COL11A2: variants seen among roughly 807,000 people sequenced by gnomAD.
The protein encoded by COL11A2 is collagen type XI alpha 2 chain.
Under a neutral mutation model 273.4 loss-of-function variants are expected in COL11A2, and 116 were observed. The observed-to-expected ratio is 0.42, with a 90% CI of 0.36 to 0.49. COL11A2 has a LOEUF of 0.49. Among genes scored for constraint, COL11A2 ranks in the 20% least tolerant of loss-of-function variants. COL11A2 has a pLI of 0.00. For synonymous variants in COL11A2, 782 were observed against 864.2 expected (o/e 0.90, Z 1.67); for missense variants, 1,866 against 2,309.0 (o/e 0.81, Z 3.93).
At chr6:33,174,288 G>C in intron 31 of COL11A2, 70 bp from the exon 32 acceptor site, 1 of 1,540,406 alleles carries the variant, frequency 6.5e-7, no homozygotes, top group Non-Finnish European at 8.8e-7. Context: ...GGCAAAGGGG[G>C]TCAGGAGAGG....
At chr6:33,181,204 C>G (rs1185911127) in intron 8 of COL11A2, 34 bp from the exon 9 acceptor site, 15 of 1,611,594 alleles carry the variant, frequency 9.3e-6, no homozygotes, top group Non-Finnish European at 1.2e-5. Context: ...CCCAGTGGGG[C>G]CCGTGAGCAG....
At position 33,189,514 on chromosome 6, in the gene COL11A2, AG is replaced by A. The variant is rs1772856622; in HGVS notation, c.83-46del. The A allele has an allele frequency of 6.2e-7, 1 of 1,610,134 alleles. No homozygotes were observed. The highest frequency in any genetic ancestry group is 1.7e-4 in the Middle Eastern group (1 of 6,054). ...TCAGGAGAAGGGACATGCCCTCAGGAGGGCATAAATAGGGGACATTTGGGAT... is the reference window on the plus strand; with the variant it reads ...TCAGGAGAAGGGACATGCCCTCAGGAGGCATAAATAGGGGACATTTGGGAT... On this transcript the variant is annotated intron_variant, in intron 1 of 65. Coordinates refer to ENST00000341947, the MANE Select transcript of COL11A2 (RefSeq NM_080680.3). This position sits in a 1 kb window ranked among gnomAD's most constrained non-coding sequence, Gnocchi z 5.6.
rs1226889366 is a variant in COL11A2 at position 33,178,807 on chromosome 6, TG to T, written c.1666-76del. 1.4e-5 allele frequency: 22 copies of T among 1,601,796 alleles called. No individual in the cohort carries two copies. The highest frequency in any genetic ancestry group is 5.5e-5 in the South Asian group (5 of 90,900). On this transcript the variant is annotated intron_variant, in intron 17 of 65. Coordinates refer to ENST00000341947, the MANE Select transcript of COL11A2 (RefSeq NM_080680.3). The surrounding 1 kb of genome is among the most constrained non-coding windows in gnomAD (Gnocchi z 4.6). Reference sequence around the variant, plus strand: ...CACCCCTCCCTACTGCACCCTGAGCTGGGGGGGTGCTGATCCTGGGGAAGCC... The same window carrying T: ...CACCCCTCCCTACTGCACCCTGAGCTGGGGGGTGCTGATCCTGGGGAAGCC...
At position 33,165,801 on chromosome 6, in the gene COL11A2, C is replaced by A. The variant is rs1769045378; in HGVS notation, c.4498G>T (p.Val1500Leu). The change falls in exon 63 of 66, where the codon GTG (valine) becomes TTG (leucine). Residue 1500 changes from valine (V) to leucine (L), a missense_variant. By Grantham distance (32) the Val-to-Leu change is conservative. Transcript: ENST00000341947. This position sits in a 1 kb window ranked among gnomAD's most constrained non-coding sequence, Gnocchi z 7.7. ...PPGHPGPPGEVIQPLPIQMPK... is the reference protein window; with the variant it reads ...PPGHPGPPGELIQPLPIQMPK... ...ATCTGAATGGGCAGTGGCTGGATCA[C>A]CTCGCCTGGGGGACCCTGGGTGCAG... The A allele has an allele frequency of 6.2e-7, 1 of 1,613,366 alleles. No homozygotes were observed. Among genetic ancestry groups the A allele is most frequent in the African/African-American group, 1.3e-5 (1 of 74,888 alleles).
Position 33,167,353 on chromosome 6 carries a change from G to A in COL11A2, c.4123-36C>T. On this transcript the variant is annotated intron_variant, in intron 56 of 65. Transcript: ENST00000341947. The surrounding 1 kb of genome is among the most constrained non-coding windows in gnomAD (Gnocchi z 6.1). ...GAGGGGGCCACAGGGGTCAGGAGGA[G>A]CATCCCCACACTGCACCCCTCCCAT... 1 of 1,612,956 alleles carries A rather than the reference G, an allele frequency of 6.2e-7. No homozygotes were observed. The highest frequency in any genetic ancestry group is 8.5e-7 in the Non-Finnish European group (1 of 1,179,894).
chr6:33,169,516 T>G lies in COL11A2; in HGVS notation c.3691-26A>C, dbSNP rs771910481. ...CTGCAGAACAAGCGGAGGACACAGA[T>G]GGCCCAGGGAATCTTGAAGATCAGG... On this transcript the variant is annotated intron_variant, in intron 50 of 65. Transcript: ENST00000341947. The surrounding 1 kb of genome is among the most constrained non-coding windows in gnomAD (Gnocchi z 5.5). The G allele has an allele frequency of 2.0e-5, 32 of 1,605,352 alleles. No homozygotes were observed. Among genetic ancestry groups the G allele is most frequent in the Non-Finnish European group, 2.7e-5 (32 of 1,173,708 alleles).
chr6:33,173,199 T>C lies in COL11A2; in HGVS notation c.2737-86A>G, dbSNP rs73741531. ...CCAGGAGGAAGGATCCCAGGCAGGA[T>C]CACACCAAGCCCTGGGCCCTGGGTC... On this transcript the variant is annotated intron_variant, in intron 37 of 65. Coordinates refer to ENST00000341947, the MANE Select transcript of COL11A2 (RefSeq NM_080680.3). This position sits in a 1 kb window ranked among gnomAD's most constrained non-coding sequence, Gnocchi z 6.3. The C allele has an allele frequency of 6.4e-3, 9,840 of 1,548,414 alleles. 50 individuals are homozygous for C. Among genetic ancestry groups the C allele is most frequent in the African/African-American group, 0.021 (1,551 of 73,552 alleles).
intron 3 of COL11A2, 74 bp downstream of exon 3, chr6:33,188,904 T>TA: frequency 2.0e-6 from 3 of 1,520,582 alleles, no homozygotes; most frequent in Admixed American, 1.7e-5. Context: ...TTTCACAGTT[T>TA]AGAGTGTAGG....
rs1309412702 is a variant in COL11A2 at position 33,179,534 on chromosome 6, C to T, written c.1447-47G>A. On this transcript the variant is annotated intron_variant, in intron 13 of 65. Transcript: ENST00000341947. This position sits in a 1 kb window ranked among gnomAD's most constrained non-coding sequence, Gnocchi z 6.4. ...AGAGCTGAGGGACAGGCAGTGGGAA[C>T]CCCCAGCCCCAGCACTCTCCAAATT... 5 of 1,513,604 alleles carry T rather than the reference C, an allele frequency of 3.3e-6. No individual in the cohort carries two copies. Among genetic ancestry groups the T allele is most frequent in the Non-Finnish European group, 4.5e-6 (5 of 1,112,950 alleles). 93.8% of individuals were successfully genotyped at this position (1,513,604 alleles called of 1,614,324 possible). A position where few individuals can be genotyped will look rare whatever the true frequency, so the allele number is the denominator to read the frequency against.
Position 33,177,300 on chromosome 6 carries a change from A to G in COL11A2, c.1972-75T>C. 6.2e-7 allele frequency: 1 copy of G among 1,605,918 alleles called. No individual in the cohort carries two copies. Among genetic ancestry groups the G allele is most frequent in the Non-Finnish European group, 8.5e-7 (1 of 1,174,028 alleles). ...TCCAGCCTCCCGGATTCAAAGCATGAGCAACAAGGGCCTGAAACCCTTAAT... is the reference window on the plus strand; with the variant it reads ...TCCAGCCTCCCGGATTCAAAGCATGGGCAACAAGGGCCTGAAACCCTTAAT... On this transcript the variant is annotated intron_variant, in intron 23 of 65. Coordinates refer to ENST00000341947, the MANE Select transcript of COL11A2 (RefSeq NM_080680.3). The surrounding 1 kb of genome is among the most constrained non-coding windows in gnomAD (Gnocchi z 5.9).
Position 33,176,146 on chromosome 6 carries a change from T to C in COL11A2, c.2215-77A>G. 2 of 1,607,738 alleles carry C rather than the reference T, an allele frequency of 1.2e-6. No homozygotes were observed. Among genetic ancestry groups the C allele is most frequent in the Non-Finnish European group, 1.7e-6 (2 of 1,175,336 alleles). On this transcript the variant is annotated intron_variant, in intron 28 of 65. Coordinates refer to ENST00000341947, the MANE Select transcript of COL11A2 (RefSeq NM_080680.3). The surrounding 1 kb of genome is among the most constrained non-coding windows in gnomAD (Gnocchi z 4.9). ...CTAATGGGAATTCTGAGAACATAGG[T>C]GGAAGCAGGGGCTCGGGAGCTGGAC... is the stretch of plus-strand genomic sequence containing the variant.
At chr6:33,172,141 A>C in intron 40 of COL11A2, 38 bp from the exon 41 acceptor site, 1 of 1,612,076 alleles carries the variant, frequency 6.2e-7, no homozygotes, top group Non-Finnish European at 8.5e-7. Flanking sequence ...AGACTTCACG[A>C]AAAGAGAAGG....
chr6:33,190,857 C>T lies in COL11A2; in HGVS notation c.82+1302G>A, dbSNP rs999105805. On this transcript the variant is annotated intron_variant, in intron 1 of 65. Coordinates refer to ENST00000341947, the MANE Select transcript of COL11A2 (RefSeq NM_080680.3). The surrounding 1 kb of genome is among the most constrained non-coding windows in gnomAD (Gnocchi z 4.5). ...CCCTCCACCAAATCCCAAGGGAGTA[C>T]AATTCGATCATATGGACAACCTACC... 2.0e-5 allele frequency among the ~76,000 whole-genome samples: 3 copies of T among 152,042 alleles called. No individual in the cohort carries two copies. The highest frequency in any genetic ancestry group is 7.3e-5 in the African/African-American group (3 of 41,372).
Position 33,189,083 on chromosome 6 carries a change from C to A in COL11A2, c.338G>T (p.Gly113Val), listed in dbSNP as rs199946338. The change falls in exon 3 of 66, where the codon GGC becomes GTC. Residue 113 changes from glycine to valine, a missense_variant. Physicochemically the swap from Gly to Val is moderately radical, Grantham distance 109. Transcript: ENST00000341947. The surrounding 1 kb of genome is among the most constrained non-coding windows in gnomAD (Gnocchi z 5.6). ...LYSAQGVRQL[G>V]LELGRPVRFL... ...GCGGACAGGTCGGCCCAGCTCCAGG[C>A]CCAGCTGTCGGACACCCTGGGCACT... 95 of 1,614,214 alleles carry A rather than the reference C, an allele frequency of 5.9e-5. No individual in the cohort carries two copies. The highest frequency in any genetic ancestry group is 8.0e-5 in the Non-Finnish European group (94 of 1,180,040).
Position 33,186,670 on chromosome 6 carries a change from G to A in COL11A2, c.755C>T (p.Pro252Leu). ...ATTTTGTGGCCTGTGAAGTCTTGAT[G>A]GTTGCTGCTGTGGAGATCTCTGGGC... is the stretch of plus-strand genomic sequence containing the variant. ...HRAQRSPQQQ[P>L]SRLHRPQNQE... Residue 252 changes from proline (P) to leucine (L), a missense_variant, in exon 5 of 66, where the codon CCA becomes CTA. Coordinates refer to ENST00000341947, the MANE Select transcript of COL11A2 (RefSeq NM_080680.3). The A allele has an allele frequency of 1.1e-5, 17 of 1,614,108 alleles. No homozygotes were observed. Among genetic ancestry groups the A allele is most frequent in the Non-Finnish European group, 1.4e-5 (17 of 1,180,018 alleles).
At position 33,189,513 on chromosome 6, in the gene COL11A2, G is replaced by C; in HGVS notation, c.83-44C>G. ...ATCAGGAGAAGGGACATGCCCTCAG[G>C]AGGGCATAAATAGGGGACATTTGGG... On this transcript the variant is annotated intron_variant, in intron 1 of 65. Transcript: ENST00000341947. This position sits in a 1 kb window ranked among gnomAD's most constrained non-coding sequence, Gnocchi z 5.6. The C allele has an allele frequency of 6.2e-7, 1 of 1,610,298 alleles. No individual in the cohort carries two copies. Among genetic ancestry groups the C allele is most frequent in the South Asian group, 1.1e-5 (1 of 90,974 alleles).
At chr6:33,180,123 A>G (rs1771524787) in intron 12 of COL11A2, 135 bp downstream of exon 12, 1 of 989,328 alleles carries the variant, frequency 1.0e-6, no homozygotes, top group Non-Finnish European at 1.6e-6. Flanking sequence ...CCAAAGACGA[A>G]TCCCTTTGGA....
chr6:33,176,747 C>A lies in COL11A2; in HGVS notation c.2089G>T (p.Gly697Cys). The change falls in exon 26 of 66, where the codon GGT (glycine) becomes TGT (cysteine). Residue 697 changes from glycine (G) to cysteine (C), a missense_variant. Physicochemically the swap from Gly to Cys is radical, Grantham distance 159. Transcript: ENST00000341947. The surrounding 1 kb of genome is among the most constrained non-coding windows in gnomAD (Gnocchi z 4.9). ...DGPPGHPGKE[G>C]PPGTKGNQGP... ...TGGTTTCCTTTGGTTCCAGGGGGAC[C>A]TTCCTTCCCTGGGTGACCCTGGGAG... is the stretch of plus-strand genomic sequence containing the variant. 6.2e-7 allele frequency: 1 copy of A among 1,613,196 alleles called. No homozygotes were observed. The highest frequency in any genetic ancestry group is 8.5e-7 in the Non-Finnish European group (1 of 1,179,678).
chr6:33,170,250 A>G lies in COL11A2; in HGVS notation c.3582+76T>C. On this transcript the variant is annotated intron_variant, in intron 48 of 65. Transcript: ENST00000341947. This position sits in a 1 kb window ranked among gnomAD's most constrained non-coding sequence, Gnocchi z 4.3. ...TTCTCTTGGCCCCTGAGACGATACTAGAGTTTATGGTCTGGGAAAGGGAGG... is the reference window on the plus strand; with the variant it reads ...TTCTCTTGGCCCCTGAGACGATACTGGAGTTTATGGTCTGGGAAAGGGAGG... The G allele has an allele frequency of 1.3e-6, 2 of 1,577,132 alleles. No individual in the cohort carries two copies. The highest frequency in any genetic ancestry group is 1.1e-5 in the South Asian group (1 of 89,358).
Sources: gnomAD v4.1 joint callset for allele counts (sites outside exome capture counted in the v4.1 genomes callset) on GRCh38, gnomAD v4.1.1 for gene constraint, Gnocchi (gnomAD v3.1) non-coding constraint, MANE v1.5 for transcripts, NCBI Gene and HGNC (gene_info 2026-07-23, HGNC 2026-07-21) for gene names.